The following HERC2 variants were observed in gnomAD, a reference collection of about 807,000 sequenced individuals.
HERC2 encodes the protein HECT and RLD domain containing E3 ubiquitin protein ligase 2, also known as E3 ubiquitin-protein ligase HERC2.
Under a neutral mutation model 537.7 loss-of-function variants are expected in HERC2, and 102 were observed. That is an observed-to-expected ratio of 0.19 (90% CI 0.16 to 0.22). The LOEUF (loss-of-function observed/expected upper bound fraction) is 0.22. Among genes scored for constraint, HERC2 ranks in the 10% least tolerant of loss-of-function variants. The probability of loss-of-function intolerance (pLI) is 1.00; values close to 1 mark genes in which losing one functional copy is unlikely to be tolerated. For synonymous variants in HERC2, 2,224 were observed against 2,466.2 expected, an observed-to-expected ratio of 0.90 and a Z score of 2.91; for missense variants, 4,236 against 6,198.2, an observed-to-expected ratio of 0.68 and a Z score of 10.63.
At chr15:28,231,444 C>T (rs1447258492) in intron 30 of HERC2, among the ~76,000 whole-genome samples, 1 of 152,164 alleles carries the variant, frequency 6.6e-6, no homozygotes, top group Non-Finnish European at 1.5e-5. Context: ...TGCATTGGGG[C>T]ACTGGAGTCT....
At position 28,112,935 on chromosome 15, in the gene HERC2, C is replaced by G. The variant is rs1025900086; in HGVS notation, c.14232+136G>C. The G allele has an allele frequency of 2.8e-5, 19 of 687,810 alleles. No individual in the cohort carries two copies. In the Admixed American group the frequency reaches 4.3e-4, roughly 16 times the overall value. The allele number at this position is 687,810 out of a possible 1,614,324, so 42.6% of individuals were successfully genotyped here. A position where few individuals can be genotyped will look rare whatever the true frequency, so the allele number is the denominator to read the frequency against. The stretch of plus-strand genomic sequence containing the variant: ...TTTGAGCCTTCACATCAGAGAAGTT[C>G]GATGTTTTCCATTTTCATTTCTGTA... On this transcript the variant is annotated intron_variant, in intron 92 of 92. Coordinates refer to ENST00000261609, the MANE Select transcript of HERC2 (RefSeq NM_004667.6).
At chr15:28,254,279 T>A in intron 20 of HERC2, 61 bp downstream of exon 20, 1 of 1,246,750 alleles carries the variant, frequency 8.0e-7, no homozygotes, top group Non-Finnish European at 1.1e-6. Context: ...GCGAACTCTG[T>A]CACACACACA....
intron 23 of HERC2, among the ~76,000 whole-genome samples, chr15:28,243,013 T>C (rs1025303683): frequency 1.3e-5 from 2 of 152,188 alleles, no homozygotes; most frequent in Non-Finnish European, 2.9e-5. Flanking sequence ...AGGTACACTG[T>C]CACCATTTCT....
chr15:28,205,177 G>C (rs940415453), intron 45 of HERC2, among the ~76,000 whole-genome samples: 1 of 151,898 alleles, frequency 6.6e-6, no homozygotes, highest in African/African-American at 2.4e-5. Flanking sequence ...AGAATCCATG[G>C]AGACAAAACA....
intron 9 of HERC2, 114 bp downstream of exon 9, chr15:28,272,101 C>A (rs1222839473): frequency 1.0e-6 from 1 of 979,722 alleles, no homozygotes; most frequent in East Asian, 2.7e-5. Flanking sequence ...GCTATTACCA[C>A]CAAACACACA....
At chr15:28,317,024 G>A (rs560222237) in intron 2 of HERC2, among the ~76,000 whole-genome samples, 2 of 152,136 alleles carry the variant, frequency 1.3e-5, no homozygotes, top group South Asian at 2.1e-4. Context: ...CTCCCAAACT[G>A]CTAGGATTAC....
At chr15:28,263,316 AC>A in intron 14 of HERC2, 147 bp from the exon 15 acceptor site, 1 of 777,450 alleles carries the variant, frequency 1.3e-6, no homozygotes, top group Non-Finnish European at 2.0e-6. Flanking sequence ...TACTGAGCAA[AC>A]GAAATCTAGG....
intron 20 of HERC2, among the ~76,000 whole-genome samples, chr15:28,248,977 T>A (rs1050441384): frequency 1.3e-5 from 2 of 152,212 alleles, no homozygotes; most frequent in African/African-American, 4.8e-5. Context: ...TTCACTAATG[T>A]GCGCCTATGG....
At chr15:28,247,262 T>C (rs566736427) in intron 21 of HERC2, among the ~76,000 whole-genome samples, 1 of 151,194 alleles carries the variant, frequency 6.6e-6, no homozygotes, top group Non-Finnish European at 1.5e-5. Context: ...TCCTGAGTAG[T>C]TAGATCTACA....
Position 28,113,427 on chromosome 15 carries a change from C to A in HERC2, c.14020-144G>T. On this transcript the variant is annotated intron_variant, in intron 91 of 92. Transcript: ENST00000261609. The surrounding 1 kb of genome is among the most constrained non-coding windows in gnomAD (Gnocchi z 7.0). ...TCTGGGTGGGCCCACACACAGCCTC[C>A]TGCAGGCGGGTGGAGGGACGCGCTC... 9.1e-7 allele frequency: 1 copy of A among 1,092,952 alleles called. No homozygotes were observed. 67.7% of individuals were successfully genotyped at this position (1,092,952 alleles called of 1,614,324 possible). A position where few individuals can be genotyped will look rare whatever the true frequency, so the allele number is the denominator to read the frequency against.
chr15:28,321,692 CA>C (rs2077234655), intron 1 of HERC2, among the ~76,000 whole-genome samples: 1 of 123,102 alleles, frequency 8.1e-6, no homozygotes, highest in Non-Finnish European at 1.6e-5. Context: ...GTTTCTGCAC[CA>C]CGCTGACGAG....
chr15:28,257,522 A>G (rs1186530022), intron 16 of HERC2, among the ~76,000 whole-genome samples: 2 of 152,168 alleles, frequency 1.3e-5, no homozygotes, highest in African/African-American at 4.8e-5. Context: ...TCTCAAAACG[A>G]TTAATGACAT....
chr15:28,148,638 C>T (rs1279464337), intron 70 of HERC2, among the ~76,000 whole-genome samples: 1 of 151,782 alleles, frequency 6.6e-6, no homozygotes, highest in Non-Finnish European at 1.5e-5. Flanking sequence ...GGCTGCTAAC[C>T]GAGAACGGCC....
At chr15:28,192,596 AAAAT>A (rs1400765636) in intron 52 of HERC2, among the ~76,000 whole-genome samples, 1 of 152,252 alleles carries the variant, frequency 6.6e-6, no homozygotes, top group Non-Finnish European at 1.5e-5. Context: ...AAAACACTCA[AAAAT>A]AAATAAATTC....
At position 28,272,390 on chromosome 15, in the gene HERC2, A is replaced by C. The variant is rs2075757619; in HGVS notation, c.912-4T>G. ...CAGGATGGCAGACAACATTTGGCTA[A>C]AGGAGAAAAGATATTTATTCTAGTA... On this transcript the variant is annotated splice_polypyrimidine_tract_variant and splice_region_variant and intron_variant, in intron 8 of 92. Coordinates refer to ENST00000261609, the MANE Select transcript of HERC2 (RefSeq NM_004667.6). 6.2e-7 allele frequency: 1 copy of C among 1,609,564 alleles called. No individual in the cohort carries two copies. The highest frequency in any genetic ancestry group is 8.5e-7 in the Non-Finnish European group (1 of 1,177,608).
At chr15:28,303,646 G>A (rs1251789021) in intron 2 of HERC2, among the ~76,000 whole-genome samples, 2 of 152,118 alleles carry the variant, frequency 1.3e-5, no homozygotes, top group Admixed American at 6.6e-5. Context: ...GGGTAGTACA[G>A]ACATTTTAAC....
At position 28,202,462 on chromosome 15, in the gene HERC2, G is replaced by A. The variant is rs749366726; in HGVS notation, c.7365C>T (p.Pro2455=). The A allele has an allele frequency of 2.2e-5, 34 of 1,519,700 alleles. No homozygotes were observed. Among genetic ancestry groups the A allele is most frequent in the East Asian group, 4.5e-5 (2 of 44,236 alleles). 94.1% of individuals were successfully genotyped at this position (1,519,700 alleles called of 1,614,324 possible). A position where few individuals can be genotyped will look rare whatever the true frequency, so the allele number is the denominator to read the frequency against. The change falls in exon 46 of 93, where the codon CCC becomes CCT. Residue 2455 remains proline (P), a synonymous_variant. Coordinates refer to ENST00000261609, the MANE Select transcript of HERC2 (RefSeq NM_004667.6). ...PARVKRRKQS[P]VPALPIVVQL... is the part of the protein sequence containing the mutation. The stretch of plus-strand genomic sequence containing the variant: ...GCACCACGATCGGCAGAGCGGGAAC[G>A]GGCGACTGCTTGCGCCTCTTCACTC...
chr15:28,215,041 A>AT (rs900520001), intron 39 of HERC2, among the ~76,000 whole-genome samples: 75 of 150,248 alleles, frequency 5.0e-4, no homozygotes, highest in South Asian at 3.0e-3. Context: ...AGCCCGGCTC[A>AT]TTTTTTTTTG....
In HERC2 at chr15:28,124,044, T is replaced by G. The variant is rs1383435876; in HGVS notation, c.13181A>C (p.Gln4394Pro). ...AGATTGCCACTTGAATACCTTTCCC[T>G]GGGATATCAGAATTCCTCGGAGAGT... ...FDTLRGILISQGKEAAFRKVV... is the reference protein window; with the variant it reads ...FDTLRGILISPGKEAAFRKVV... Residue 4394 changes from glutamine to proline, a missense_variant, in exon 85 of 93, where the codon CAG (glutamine) becomes CCG (proline). Coordinates refer to ENST00000261609, the MANE Select transcript of HERC2 (RefSeq NM_004667.6). 3.2e-6 allele frequency: 5 copies of G among 1,585,036 alleles called. No individual in the cohort carries two copies. Among genetic ancestry groups the G allele is most frequent in the Non-Finnish European group, 4.3e-6 (5 of 1,163,992 alleles).
Sources: allele counts gnomAD v4.1 joint callset (sites outside exome capture counted in the v4.1 genomes callset), GRCh38; gene constraint gnomAD v4.1.1; non-coding constraint Gnocchi (gnomAD v3.1); transcripts MANE v1.5; gene names NCBI Gene and HGNC (gene_info 2026-07-23, HGNC 2026-07-21).